Variants in NUMB observed in about 807,000 individuals in gnomAD.
The protein encoded by NUMB is protein numb homolog.
A neutral mutation model predicts 59.7 loss-of-function variants in NUMB; 29 were observed. The observed-to-expected ratio is 0.49, with a 90% CI of 0.36 to 0.66. The LOEUF (loss-of-function observed/expected upper bound fraction) is 0.66, where lower values mean the gene tolerates loss of function less well. NUMB is among the 30% of genes least tolerant of loss of function. The pLI, the probability that NUMB is intolerant of heterozygous loss-of-function variation, is 0.00. For synonymous variants in NUMB, 288 were observed against 288.2 expected (o/e 1.00, Z 0.01); for missense variants, 723 against 822.0 (o/e 0.88, Z 1.47).
At chr14:73,389,122 T>C (rs1347757950) in intron 2 of NUMB, among the ~76,000 whole-genome samples, 1 of 105,924 alleles carries the variant, frequency 9.4e-6, no homozygotes, top group Non-Finnish European at 2.1e-5. Flanking sequence ...AAAAAAAAAA[T>C]TAGCTGGATG....
intron 4 of NUMB, among the ~76,000 whole-genome samples, chr14:73,349,815 CT>C (rs1433103715): frequency 6.6e-6 from 1 of 150,522 alleles, no homozygotes; most frequent in African/African-American, 2.4e-5. Flanking sequence ...GGAGGCAGAG[CT>C]TGCAGTGAGC....
intron 12 of NUMB, among the ~76,000 whole-genome samples, chr14:73,278,064 A>C (rs886894463): frequency 1.4e-4 from 21 of 151,424 alleles, no homozygotes; most frequent in African/African-American, 4.9e-4. Flanking sequence ...AAAAAAAAAA[A>C]AAAACACCTA....
At chr14:73,454,164 T>C (rs1183337707) in intron 1 of NUMB, among the ~76,000 whole-genome samples, 1 of 151,832 alleles carries the variant, frequency 6.6e-6, no homozygotes, top group Non-Finnish European at 1.5e-5. Flanking sequence ...AATATACCCA[T>C]ATAACCAACC....
intron 2 of NUMB, among the ~76,000 whole-genome samples, chr14:73,387,592 C>T (rs911214291): frequency 2.0e-5 from 3 of 151,914 alleles, no homozygotes; most frequent in African/African-American, 7.3e-5. Context: ...GCCTCCCCAG[C>T]CATGCTAAAC....
intron 1 of NUMB, among the ~76,000 whole-genome samples, chr14:73,456,604 CATTG>C (rs1193277726): frequency 1.3e-5 from 2 of 152,202 alleles, no homozygotes; most frequent in Non-Finnish European, 2.9e-5. Context: ...AAACTCACAA[CATTG>C]ATTTTATAAA....
At chr14:73,340,230 T>C (rs568965124) in intron 4 of NUMB, among the ~76,000 whole-genome samples, 43 of 152,324 alleles carry the variant, frequency 2.8e-4, no homozygotes, top group Middle Eastern at 3.4e-3. Context: ...ACCTTGAGAA[T>C]AGTAGATTAC....
At chr14:73,378,012 CACACACAT>C (rs1249362980) in intron 2 of NUMB, among the ~76,000 whole-genome samples, 88 of 122,364 alleles carry the variant, frequency 7.2e-4, no homozygotes, top group African/African-American at 2.2e-3. Flanking sequence ...CACACACACA[CACACACAT>C]ACACACACAC....
At chr14:73,284,937 T>G (rs1202441792) in intron 9 of NUMB, 1 of 152,260 alleles carries the variant, frequency 6.6e-6, no homozygotes, top group Non-Finnish European at 1.5e-5. Context: ...AACCTCCACC[T>G]CCCAGGTTCA....
chr14:73,444,063 T>A (rs1011446380), intron 1 of NUMB, among the ~76,000 whole-genome samples: 1 of 151,892 alleles, frequency 6.6e-6, no homozygotes, highest in Non-Finnish European at 1.5e-5. Context: ...ACGCACCACC[T>A]TGCCCGGGCC....
At chr14:73,285,096 C>T (rs1392224400) in intron 9 of NUMB, 1 of 152,230 alleles carries the variant, frequency 6.6e-6, no homozygotes, top group Middle Eastern at 3.2e-3. Context: ...GATCCACCTG[C>T]CTCCGCCTCT....
chr14:73,458,214 G>A (rs1483977623), intron 1 of NUMB: 2 of 152,664 alleles, frequency 1.3e-5, no homozygotes, highest in African/African-American at 2.4e-5. Flanking sequence ...GGAGCAGCTG[G>A]ACGTCCCAAG....
chr14:73,330,181 C>T (rs1422960036), intron 4 of NUMB, among the ~76,000 whole-genome samples: 1 of 152,122 alleles, frequency 6.6e-6, no homozygotes, highest in African/African-American at 2.4e-5. Context: ...AGGCACACAC[C>T]ACAACACCCA....
At chr14:73,350,252 C>A (rs987316799) in intron 4 of NUMB, among the ~76,000 whole-genome samples, 2 of 149,426 alleles carry the variant, frequency 1.3e-5, no homozygotes, top group African/African-American at 2.5e-5. Context: ...CAGCTCACTG[C>A]AACCTCTGCC....
At chr14:73,404,935 A>T (rs1442554182) in intron 2 of NUMB, among the ~76,000 whole-genome samples, 1 of 151,706 alleles carries the variant, frequency 6.6e-6, no homozygotes, top group Non-Finnish European at 1.5e-5. Context: ...TAATTTTTAT[A>T]TTTTCAGTAG....
At chr14:73,367,348 TAGAGAG>T (rs71112740) in intron 2 of NUMB, among the ~76,000 whole-genome samples, 3 of 105,328 alleles carry the variant, frequency 2.8e-5, no homozygotes, top group South Asian at 2.8e-4. Context: ...TATATATATA[TAGAGAG>T]AGAGAGAGAG....
At chr14:73,397,445 G>T (rs1427506147) in intron 2 of NUMB, among the ~76,000 whole-genome samples, 1 of 152,196 alleles carries the variant, frequency 6.6e-6, no homozygotes, top group East Asian at 1.9e-4. Flanking sequence ...CAAATTCACT[G>T]ATGTAGCTGA....
rs796248301 is a variant in NUMB at position 73,441,843 on chromosome 14, A to G, written c.-233+16650T>C. 2.6e-5 allele frequency among the ~76,000 whole-genome samples: 4 copies of G among 152,060 alleles called. No homozygotes were observed. The South Asian group carries it at 8.3e-4, about 31-fold the overall frequency. On this transcript the variant is annotated intron_variant, in intron 1 of 12. Coordinates refer to ENST00000555238, the MANE Select transcript of NUMB (RefSeq NM_001005743.2). ...TGAGCTATCATGCCCACTACACTCC[A>G]GCTTGGGTGACAGACCAAAATTCTG... is the stretch of plus-strand genomic sequence containing the variant.
chr14:73,451,644 T>A (rs1037205457), intron 1 of NUMB, among the ~76,000 whole-genome samples: 7 of 152,118 alleles, frequency 4.6e-5, no homozygotes, highest in Non-Finnish European at 1.0e-4. Flanking sequence ...ATTATCTACA[T>A]GATAAAATCA....
chr14:73,383,322 C>T (rs964905585), intron 2 of NUMB, among the ~76,000 whole-genome samples: 4 of 151,910 alleles, frequency 2.6e-5, no homozygotes, highest in African/African-American at 4.8e-5. Flanking sequence ...AATTGAAAAT[C>T]GAGAACTAAA....
Sources: gnomAD v4.1 joint callset for allele counts (sites outside exome capture counted in the v4.1 genomes callset) on GRCh38, gnomAD v4.1.1 for gene constraint, MANE v1.5 for transcripts, NCBI Gene and HGNC (gene_info 2026-07-23, HGNC 2026-07-21) for gene names.